The following ANAPC1 variants were observed in gnomAD, a reference collection of about 807,000 sequenced individuals.
ANAPC1 encodes the protein anaphase-promoting complex subunit 1.
Under a neutral mutation model 208.0 loss-of-function variants are expected in ANAPC1, and 36 were observed. The observed-to-expected ratio is 0.17, with a 90% CI of 0.13 to 0.23. The LOEUF (loss-of-function observed/expected upper bound fraction) is 0.23. ANAPC1 is among the 10% of genes least tolerant of loss of function. The probability of loss-of-function intolerance (pLI) is 1.00; values close to 1 mark genes in which losing one functional copy is unlikely to be tolerated. For missense variants in ANAPC1, 942 were observed against 2,011.6 expected, an observed-to-expected ratio of 0.47 and a Z score of 10.17; for synonymous variants, 378 against 695.2, an observed-to-expected ratio of 0.54 and a Z score of 7.18.
chr2:111,857,419 A>G (rs1681794914), intron 11 of ANAPC1, among the ~76,000 whole-genome samples: 2 of 152,272 alleles, frequency 1.3e-5, no homozygotes, highest in African/African-American at 4.8e-5. Flanking sequence ...TTACCTAAGA[A>G]GATAAATGAA....
intron 28 of ANAPC1, among the ~76,000 whole-genome samples, chr2:111,810,916 A>G (rs1054758187): frequency 2.0e-4 from 30 of 150,190 alleles, no homozygotes; most frequent in Non-Finnish European, 4.1e-4. Context: ...GAACAGTGGT[A>G]CCAACTAGGG....
intron 46 of ANAPC1, among the ~76,000 whole-genome samples, chr2:111,775,309 C>T (rs1435080755): frequency 6.6e-6 from 1 of 152,174 alleles, no homozygotes; most frequent in African/African-American, 2.4e-5. Flanking sequence ...TATAAATTGG[C>T]TGCATTTTCA....
chr2:111,795,320 T>TCACTTGAATCTG (rs1435861971), intron 34 of ANAPC1, among the ~76,000 whole-genome samples: 1 of 150,936 alleles, frequency 6.6e-6, no homozygotes, highest in African/African-American at 2.4e-5. Flanking sequence ...AGGTGCAGGA[T>TCACTTGAATCTG]GCAGTGAGCC....
Position 111,804,506 on chromosome 2 carries a change from C to CTT in ANAPC1, c.3925-669_3925-668dup, listed in dbSNP as rs1183612859. 1.9e-3 allele frequency among the ~76,000 whole-genome samples: 150 copies of CTT among 77,970 alleles called. 25 individuals are homozygous for CTT. The highest frequency in any genetic ancestry group is 6.1e-3 in the African/African-American group (136 of 22,214). The allele number at this position is 77,970 out of a possible 152,430, so 51.2% of individuals were successfully genotyped here. On this transcript the variant is annotated intron_variant, in intron 30 of 47. Transcript: ENST00000341068. ...TTGCAATTCCCTGTGTGATTCTTTT[C>CTT]TTTTTTTTTTTTTTTTTTTGAGACG...
chr2:111,832,954 A>AAAAAAAAAAAAAAAAAAAAAAAC, intron 20 of ANAPC1, among the ~76,000 whole-genome samples: 1 of 150,404 alleles, frequency 6.6e-6, no homozygotes, highest in Admixed American at 6.7e-5. Flanking sequence ...AAAAAAAAAA[A>AAAAAAAAAAAAAAAAAAAAAAAC]AAGCATCCTT....
intron 21 of ANAPC1, among the ~76,000 whole-genome samples, chr2:111,828,570 A>T (rs1377627925): frequency 6.6e-6 from 1 of 152,240 alleles, no homozygotes; most frequent in Non-Finnish European, 1.5e-5. Context: ...GAAATGATAA[A>T]TTGTGGTATA....
intron 2 of ANAPC1, 167 bp downstream of exon 2, chr2:111,880,446 C>T: frequency 8.4e-7 from 1 of 1,195,266 alleles, no homozygotes; most frequent in Non-Finnish European, 1.1e-6. Context: ...GTCGCTATGA[C>T]AATGTAATAA....
chr2:111,858,579 T>C (rs1206067109), intron 10 of ANAPC1, among the ~76,000 whole-genome samples, 178 bp from the exon 11 acceptor site: 5 of 151,830 alleles, frequency 3.3e-5, no homozygotes, highest in South Asian at 4.2e-4. Flanking sequence ...GCTAACACGG[T>C]GAAATCCCGT....
chr2:111,779,312 C>T (rs2104483464), intron 44 of ANAPC1: 1 of 148,884 alleles, frequency 6.7e-6, no homozygotes, highest in African/African-American at 2.5e-5. Context: ...TACCTATTCT[C>T]AGGGTCATAA....
At chr2:111,868,758 C>T (rs190853255) in intron 6 of ANAPC1, among the ~76,000 whole-genome samples, 6 of 152,326 alleles carry the variant, frequency 3.9e-5, no homozygotes, top group Admixed American at 2.0e-4. Flanking sequence ...GTCTTGAACT[C>T]CTGACCTCAG....
chr2:111,792,510 A>G lies in ANAPC1; in HGVS notation c.4564T>C (p.Ser1522Pro), dbSNP rs762905195. The G allele has an allele frequency of 5.6e-6, 9 of 1,613,998 alleles. No homozygotes were observed. The highest frequency in any genetic ancestry group is 6.8e-6 in the Non-Finnish European group (8 of 1,179,878). ...LETCLSVVLL[S>P]LAMVMAGSGN... ...GAGCCAGCCATGACCATGGCGAGAG[A>G]CAGCAGCACCACGCTCAGACAAGTT... Residue 1522 changes from serine to proline, a missense_variant, in exon 38 of 48, where the codon TCT becomes CCT. Coordinates refer to ENST00000341068, the MANE Select transcript of ANAPC1 (RefSeq NM_022662.4).
chr2:111,831,541 T>C, intron 20 of ANAPC1, 107 bp from the exon 21 acceptor site: 6 of 995,700 alleles, frequency 6.0e-6, no homozygotes, highest in Non-Finnish European at 7.4e-6. Flanking sequence ...TTGAAACAAC[T>C]AGAATAATAT....
chr2:111,875,031 T>C lies in ANAPC1; in HGVS notation c.376-1367A>G, dbSNP rs144523597. On this transcript the variant is annotated intron_variant, in intron 3 of 47. Coordinates refer to ENST00000341068, the MANE Select transcript of ANAPC1 (RefSeq NM_022662.4). ...TCGCCAAACTTTTCCACAGCAGCTATGTTACATTCCCATCAGCAATGCACA... is the reference window on the plus strand; with the variant it reads ...TCGCCAAACTTTTCCACAGCAGCTACGTTACATTCCCATCAGCAATGCACA... 4.9e-4 allele frequency among the ~76,000 whole-genome samples: 75 copies of C among 152,314 alleles called. 1 individual carries two copies. The East Asian group carries it at 0.014, about 28-fold the overall frequency.
intron 16 of ANAPC1, among the ~76,000 whole-genome samples, chr2:111,845,802 G>A (rs193024408): frequency 7.6e-4 from 116 of 151,700 alleles, no homozygotes; most frequent in Non-Finnish European, 1.3e-3. Context: ...GTGAAACCCC[G>A]TCTCTACTAA....
chr2:111,831,152 A>G (rs565632509), intron 21 of ANAPC1, 134 bp downstream of exon 21: 2 of 641,230 alleles, frequency 3.1e-6, no homozygotes, highest in African/African-American at 1.8e-5. Context: ...TCCTCATTGT[A>G]GTAATTACAT....
chr2:111,823,499 G>GA (rs1049557012), intron 24 of ANAPC1, among the ~76,000 whole-genome samples: 75 of 143,872 alleles, frequency 5.2e-4, no homozygotes, highest in Non-Finnish European at 6.6e-4. Flanking sequence ...GTTTGTTATG[G>GA]AAAAAAAAAA....
In ANAPC1 at chr2:111,769,394, A is replaced by C; in HGVS notation, c.5732T>G (p.Phe1911Cys). The change falls in exon 48 of 48, where the codon TTT becomes TGT. Residue 1911 changes from phenylalanine (F) to cysteine (C), a missense_variant. By Grantham distance (205) the Phe-to-Cys change is radical. Coordinates refer to ENST00000341068, the MANE Select transcript of ANAPC1 (RefSeq NM_022662.4). ...PPIGLEGSTSFAELLFKFKQL... is the reference protein window; with the variant it reads ...PPIGLEGSTSCAELLFKFKQL... ...CTTAAATTTGAAGAGCAGTTCAGCA[A>C]AGCTTGTGCTCCCTAAAATGGAAAT... is the stretch of plus-strand genomic sequence containing the variant. 7.4e-7 allele frequency: 1 copy of C among 1,352,326 alleles called. No homozygotes were observed. Among genetic ancestry groups the C allele is most frequent in the Admixed American group, 1.7e-5 (1 of 57,270 alleles). The allele number at this position is 1,352,326 out of a possible 1,614,324, so 83.8% of individuals were successfully genotyped here.
intron 10 of ANAPC1, 140 bp downstream of exon 10, chr2:111,862,248 TG>T: frequency 1.2e-6 from 1 of 821,166 alleles, no homozygotes; most frequent in Non-Finnish European, 1.7e-6. Context: ...GAAACTGAGG[TG>T]GCCTTAATAC....
chr2:111,843,226 A>G (rs1164313519), intron 17 of ANAPC1, among the ~76,000 whole-genome samples, 186 bp downstream of exon 17: 1 of 152,252 alleles, frequency 6.6e-6, no homozygotes, highest in East Asian at 1.9e-4. Context: ...TATAATCACT[A>G]GTAAAATGTT....
Sources: gnomAD v4.1 joint callset for allele counts (sites outside exome capture counted in the v4.1 genomes callset) on GRCh38, gnomAD v4.1.1 for gene constraint, MANE v1.5 for transcripts, NCBI Gene and HGNC (gene_info 2026-07-23, HGNC 2026-07-21) for gene names.